Variants in LRRC27 observed in about 807,000 individuals in gnomAD.
LRRC27 encodes the protein leucine rich repeat containing 27, also known as leucine-rich repeat-containing protein 27.
Under a neutral mutation model 55.0 loss-of-function variants are expected in LRRC27, and 57 were observed. The ratio of observed to expected loss-of-function variants is 1.04; its 90% confidence interval spans 0.84 to 1.29. The LOEUF (loss-of-function observed/expected upper bound fraction) is 1.29, where lower values mean the gene tolerates loss of function less well. LRRC27 is among the 50% of genes most tolerant of loss of function. LRRC27 has a pLI of 0.00. For missense variants in LRRC27, 721 were observed against 651.5 expected (o/e 1.11, Z -1.16); for synonymous variants, 278 against 251.9 (o/e 1.10, Z -0.98).
chr10:132,373,328 C>T lies in LRRC27; in HGVS notation c.1417-1738C>T, dbSNP rs534768178. On this transcript the variant is annotated intron_variant, in intron 10 of 10. Coordinates refer to ENST00000368614, the MANE Select transcript of LRRC27 (RefSeq NM_030626.3). ...TTCCAGCAGGAGAGACGAGAGCAGA[C>T]GGAGGGAGAAGGTGCAGGAGGGCTC... Among the ~76,000 whole-genome samples, 52 of 152,194 alleles carry T rather than the reference C, an allele frequency of 3.4e-4. 1 individual carries two copies. The highest frequency in any genetic ancestry group is 3.4e-3 in the Middle Eastern group (1 of 294).
At chr10:132,370,981 G>T (rs557023892) in intron 10 of LRRC27, among the ~76,000 whole-genome samples, 101 of 152,372 alleles carry the variant, frequency 6.6e-4, no homozygotes, top group African/African-American at 2.2e-3. Context: ...CGTTAGAGAC[G>T]AGTCCTGGCT....
intron 3 of LRRC27, among the ~76,000 whole-genome samples, chr10:132,340,294 A>C (rs769516932): frequency 5.3e-5 from 8 of 152,248 alleles, no homozygotes; most frequent in Non-Finnish European, 1.2e-4. Flanking sequence ...TTTTAATAAT[A>C]TTATTATATA....
At chr10:132,350,985 A>G (rs1480546302) in intron 6 of LRRC27, 2 of 152,842 alleles carry the variant, frequency 1.3e-5, no homozygotes, top group Admixed American at 1.3e-4. Context: ...AGTCCCCAGC[A>G]CCGTGCGACC....
upstream of LRRC27, chr10:132,330,458 A>T: frequency 1.4e-6 from 1 of 717,114 alleles, no homozygotes; most frequent in Non-Finnish European, 2.6e-6. Flanking sequence ...CACGCTCCTG[A>T]GAAGGTACTG....
intron 3 of LRRC27, among the ~76,000 whole-genome samples, chr10:132,339,886 C>T (rs1391320716): frequency 6.6e-6 from 1 of 152,206 alleles, no homozygotes; most frequent in East Asian, 1.9e-4. Context: ...TCAAAGCTGG[C>T]TGCCTATGTT....
chr10:132,331,011 G>A (rs1219135953), upstream of LRRC27, among the ~76,000 whole-genome samples: 3 of 150,972 alleles, frequency 2.0e-5, no homozygotes, highest in Non-Finnish European at 4.4e-5. Context: ...GACCAGCCTG[G>A]CCAACATGAT....
At chr10:132,351,479 T>G in intron 6 of LRRC27, 128 bp from the exon 7 acceptor site, 1 of 1,051,122 alleles carries the variant, frequency 9.5e-7, no homozygotes, top group Non-Finnish European at 1.4e-6. Flanking sequence ...TGACTGCAGC[T>G]TCTAGTCGTG....
chr10:132,380,234 T>G lies in LRRC27; in HGVS notation c.*4992T>G, dbSNP rs2069393796. On this transcript the variant is annotated 3_prime_UTR_variant, in exon 11 of 11. Transcript: ENST00000368614. ...TCACTTGAACCCGGAAGGCAGAGGT[T>G]GCAGTGAGCCGAGATCACGCCATTG... Among the ~76,000 whole-genome samples the G allele has an allele frequency of 6.6e-6, 1 of 151,396 alleles. No homozygotes were observed. The highest frequency in any genetic ancestry group is 2.4e-5 in the African/African-American group (1 of 41,124).
At chr10:132,330,367 C>T, upstream of LRRC27, 1 of 703,668 alleles carries the variant, frequency 1.4e-6, no homozygotes, top group Non-Finnish European at 2.7e-6. Context: ...GTGCTGAAAT[C>T]TTCCATCCCC....
chr10:132,353,537 A>C, intron 7 of LRRC27: 1 of 619,870 alleles, frequency 1.6e-6, no homozygotes, highest in Non-Finnish European at 2.0e-6. Context: ...TAAAAAGATG[A>C]ATGAGGTGAA....
At chr10:132,347,119 A>G (rs1376384233) in intron 5 of LRRC27, among the ~76,000 whole-genome samples, 1 of 152,270 alleles carries the variant, frequency 6.6e-6, no homozygotes, top group Non-Finnish European at 1.5e-5. Flanking sequence ...ACCAAACAAG[A>G]AAAGCAGGCA....
chr10:132,337,334 G>C (rs999992524), intron 2 of LRRC27: 1 of 1,331,380 alleles, frequency 7.5e-7, no homozygotes, highest in South Asian at 1.9e-5. Flanking sequence ...GGCTCTTCAG[G>C]AAGTCAGTTC....
chr10:132,331,472 G>T, upstream of LRRC27: 1 of 1,612,708 alleles, frequency 6.2e-7, no homozygotes, highest in Non-Finnish European at 8.5e-7. Flanking sequence ...CCGTCCAGAG[G>T]CAGCCTTACT....
chr10:132,330,536 G>A (rs2066643563), upstream of LRRC27: 2 of 716,160 alleles, frequency 2.8e-6, no homozygotes, highest in Non-Finnish European at 5.2e-6. Flanking sequence ...TTGAGACAGG[G>A]TCTCGCTGTC....
At position 132,375,079 on chromosome 10, in the gene LRRC27, A is replaced by G; in HGVS notation, c.1430A>G (p.Gln477Arg). The G allele has an allele frequency of 1.2e-6, 2 of 1,613,016 alleles. No individual in the cohort carries two copies. Among genetic ancestry groups the G allele is most frequent in the Non-Finnish European group, 1.7e-6 (2 of 1,179,420 alleles). The change falls in exon 11 of 11, where the codon CAG becomes CGG. Residue 477 changes from glutamine (Q) to arginine (R), a missense_variant. By Grantham distance (43) the Gln-to-Arg change is conservative. Transcript: ENST00000368614. ...AEDLEIATEL[Q>R]DEVLKLKLGL... is the part of the protein sequence containing the mutation. ...GTCTCCCATAAGGCCACAGAGCTAC[A>G]GGATGAAGTATTGAAGCTAAAATTG... is the stretch of plus-strand genomic sequence containing the variant.
chr10:132,331,950 C>A (rs1398668023), upstream of LRRC27: 3 of 543,484 alleles, frequency 5.5e-6, no homozygotes, highest in African/African-American at 4.1e-5. Flanking sequence ...CCCGCCCCAG[C>A]GCAGGCGCAC....
intron 3 of LRRC27, among the ~76,000 whole-genome samples, chr10:132,340,953 TTAAG>T (rs2067385207): frequency 6.6e-6 from 1 of 151,798 alleles, no homozygotes; most frequent in Non-Finnish European, 1.5e-5. Context: ...TGTCTAAACC[TTAAG>T]TAATCTGATT....
At chr10:132,344,793 A>AC in intron 5 of LRRC27, 143 bp downstream of exon 5, 1 of 821,450 alleles carries the variant, frequency 1.2e-6, no homozygotes, top group Non-Finnish European at 1.8e-6. Context: ...CACAGTGTAC[A>AC]CTGATCTCAG....
chr10:132,375,832 T>G lies in LRRC27; in HGVS notation c.*590T>G, dbSNP rs2133117553. On this transcript the variant is annotated 3_prime_UTR_variant, in exon 11 of 11. Transcript: ENST00000368614. ...TTGACCCCTTCCTGGTTGCTACCAC[T>G]CAGGCTGCCACTCAGTGGACTCCAC... is the stretch of plus-strand genomic sequence containing the variant. 1 of 152,544 alleles carries G rather than the reference T, an allele frequency of 6.6e-6. No homozygotes were observed. Among genetic ancestry groups the G allele is most frequent in the East Asian group, 1.9e-4 (1 of 5,168 alleles). 9.4% of individuals were successfully genotyped at this position (152,544 alleles called of 1,614,324 possible).
Sources: allele counts gnomAD v4.1 joint callset (sites outside exome capture counted in the v4.1 genomes callset), GRCh38; gene constraint gnomAD v4.1.1; transcripts MANE v1.5; gene names NCBI Gene and HGNC (gene_info 2026-07-23, HGNC 2026-07-21).